The following MAP3K15 variants were observed in gnomAD, a reference collection of about 807,000 sequenced individuals.
MAP3K15 encodes MAPK/ERK kinase kinase 15.
Under a neutral mutation model 99.5 loss-of-function variants are expected in MAP3K15, and 124 were observed. The observed-to-expected ratio is 1.25, with a 90% confidence interval of 1.08 to 1.45. MAP3K15 has a LOEUF of 1.45. Ranked by LOEUF, MAP3K15 falls within the 40% of genes most tolerant of loss-of-function variation. The probability of loss-of-function intolerance (pLI) is 0.00; values close to 1 mark genes in which losing one functional copy is unlikely to be tolerated. For missense variants in MAP3K15, 1,242 were observed against 1,079.7 expected (o/e 1.15, Z -2.11); for synonymous variants, 494 against 439.6 (o/e 1.12, Z -1.55).
At chrX:19,409,787 C>A in intron 12 of MAP3K15, 137 bp downstream of exon 12, 1 of 495,150 alleles carries the variant, frequency 2.0e-6, no homozygotes, top group South Asian at 3.4e-5. Flanking sequence ...GGAAGGACAA[C>A]ATAATAGAGA....
chrX:19,371,074 A>G lies in MAP3K15; in HGVS notation c.3295-10T>C. 1 of 1,093,207 alleles carries G rather than the reference A, an allele frequency of 9.1e-7. No homozygotes were observed. The highest frequency in any genetic ancestry group is 1.9e-5 in the African/African-American group (1 of 51,646). 90.1% of individuals were successfully genotyped at this position (1,093,207 alleles called of 1,213,427 possible). ...TCAAAATTTTATTTACCTAAAAAAA[A>G]AAAAAATAATAAAATAAACTAAAAT... On this transcript the variant is annotated splice_polypyrimidine_tract_variant and intron_variant, in intron 23 of 28. Coordinates refer to ENST00000338883, the MANE Select transcript of MAP3K15 (RefSeq NM_001001671.4).
intron 1 of MAP3K15, among the ~76,000 whole-genome samples, chrX:19,499,295 G>A (rs750518157): frequency 8.9e-6 from 1 of 112,167 alleles, no homozygotes; most frequent in South Asian, 3.7e-4. Context: ...GTGACGATGT[G>A]AAGCCACTGA....
chrX:19,459,000 C>A (rs778932198), intron 5 of MAP3K15, among the ~76,000 whole-genome samples: 1 of 111,983 alleles, frequency 8.9e-6, no homozygotes, highest in Non-Finnish European at 1.9e-5. Flanking sequence ...GACCAAAAGA[C>A]CAGTCTCAGA....
intron 6 of MAP3K15, among the ~76,000 whole-genome samples, chrX:19,449,700 CT>C (rs2064024625): frequency 9.2e-6 from 1 of 109,251 alleles, no homozygotes; most frequent in African/African-American, 3.3e-5. Context: ...CAAACGATCG[CT>C]TTTTTCTGCA....
Position 19,360,581 on chromosome X carries a change from G to C in MAP3K15, c.*168C>G, listed in dbSNP as rs1488080651. 1.2e-5 allele frequency: 5 copies of C among 418,121 alleles called. No individual in the cohort carries two copies. The highest frequency in any genetic ancestry group is 1.2e-5 in the Non-Finnish European group (3 of 242,597). 34.5% of individuals were successfully genotyped at this position (418,121 alleles called of 1,213,427 possible). ...ACAGTTCTATGTTTATAAATAACAG[G>C]TTTCAAAAGAAACTCAGGACAGTAT... On this transcript the variant is annotated 3_prime_UTR_variant, in exon 29 of 29. Transcript: ENST00000338883.
At chrX:19,431,104 A>G (rs1049922476) in intron 7 of MAP3K15, among the ~76,000 whole-genome samples, 3 of 111,757 alleles carry the variant, frequency 2.7e-5, no homozygotes, top group Non-Finnish European at 5.6e-5. Flanking sequence ...AAATGAATGA[A>G]TAAGTGAATG....
chrX:19,470,240 T>C (rs753293860), intron 3 of MAP3K15, among the ~76,000 whole-genome samples: 1 of 111,553 alleles, frequency 9.0e-6, no homozygotes, highest in Non-Finnish European at 1.9e-5. Context: ...GATGAGTTCA[T>C]GTCCTTTGTA....
At chrX:19,490,863 C>T (rs1017677992) in intron 1 of MAP3K15, among the ~76,000 whole-genome samples, 6 of 111,213 alleles carry the variant, frequency 5.4e-5, no homozygotes, top group East Asian at 2.8e-4. Context: ...GTTTAAATTA[C>T]GCTTAGTAGT....
rs191798093 is a variant in MAP3K15 at position 19,489,240 on chromosome X, T to C, written c.362-273A>G. Among the ~76,000 whole-genome samples, 14 of 111,623 alleles carry C rather than the reference T, an allele frequency of 1.3e-4. No individual in the cohort carries two copies. The East Asian group carries it at 3.9e-3, about 31-fold the overall frequency. ...TTTTAATGTTATTTTTGTTATGACA[T>C]ATCACACATCTGAAGAATATATTTA... On this transcript the variant is annotated intron_variant, in intron 1 of 28. Coordinates refer to ENST00000338883, the MANE Select transcript of MAP3K15 (RefSeq NM_001001671.4).
At chrX:19,469,535 C>A (rs76242887) in intron 3 of MAP3K15, among the ~76,000 whole-genome samples, 1,568 of 110,198 alleles carry the variant, frequency 0.014, 39 homozygotes, top group African/African-American at 0.048. Context: ...GCAACAAAAG[C>A]CAAAATTGAC....
At chrX:19,505,531 C>T (rs1181351688) in intron 1 of MAP3K15, among the ~76,000 whole-genome samples, 2 of 111,090 alleles carry the variant, frequency 1.8e-5, no homozygotes, top group Non-Finnish European at 3.8e-5. Flanking sequence ...GTGCCACCAT[C>T]ATCGTCTATA....
In MAP3K15 at chrX:19,392,407, G is replaced by C. The variant is rs376022882; in HGVS notation, c.2261C>G (p.Thr754Ser). 44 of 1,208,436 alleles carry C rather than the reference G, an allele frequency of 3.6e-5. No homozygotes were observed. Among genetic ancestry groups the C allele is most frequent in the Admixed American group, 4.4e-5 (2 of 45,659 alleles). The change falls in exon 17 of 29, where the codon ACC becomes AGC. Residue 754 changes from threonine to serine, a missense_variant. Coordinates refer to ENST00000338883, the MANE Select transcript of MAP3K15 (RefSeq NM_001001671.4). ...CTTAAGGCCCTCCAGGATCTGTTTG[G>C]TGTAAAACTTGATTGTCGGTTCCTT... ...PMKEPTIKFYTKQILEGLKYL... is the reference protein window; with the variant it reads ...PMKEPTIKFYSKQILEGLKYL...
At chrX:19,391,050 T>C (rs1436999128) in intron 18 of MAP3K15, among the ~76,000 whole-genome samples, 2 of 111,825 alleles carry the variant, frequency 1.8e-5, no homozygotes, top group African/African-American at 3.2e-5. Flanking sequence ...TAGCTGGTAA[T>C]TGTATACCAC....
intron 1 of MAP3K15, among the ~76,000 whole-genome samples, chrX:19,512,554 A>T (rs988935660): frequency 4.4e-4 from 49 of 110,210 alleles, no homozygotes; most frequent in Non-Finnish European, 1.1e-4. Context: ...AGGTCACCGC[A>T]GCATCGACCT....
At chrX:19,436,122 C>T (rs763940236) in intron 6 of MAP3K15, among the ~76,000 whole-genome samples, 88 of 105,906 alleles carry the variant, frequency 8.3e-4, no homozygotes, top group Non-Finnish European at 1.5e-3. Context: ...CCATTGTCCT[C>T]CAGTCTGGGC....
intron 3 of MAP3K15, among the ~76,000 whole-genome samples, chrX:19,479,837 G>A (rs975042945): frequency 8.9e-6 from 1 of 112,201 alleles, no homozygotes; most frequent in Non-Finnish European, 1.9e-5. Flanking sequence ...ATAAAATAGT[G>A]TAAGAATTAA....
intron 3 of MAP3K15, among the ~76,000 whole-genome samples, chrX:19,467,637 G>A (rs1437878866): frequency 1.9e-5 from 2 of 106,796 alleles, no homozygotes; most frequent in African/African-American, 6.8e-5. Flanking sequence ...TGTGGTGGCA[G>A]GCGCCTGTAA....
At chrX:19,393,988 G>A (rs2063547537) in intron 16 of MAP3K15, among the ~76,000 whole-genome samples, 1 of 108,875 alleles carries the variant, frequency 9.2e-6, no homozygotes, top group South Asian at 4.0e-4. Context: ...TGGCCAGGCT[G>A]GTCTCGAATT....
At chrX:19,499,290 G>C (rs765896366) in intron 1 of MAP3K15, among the ~76,000 whole-genome samples, 1 of 112,250 alleles carries the variant, frequency 8.9e-6, no homozygotes, top group Non-Finnish European at 1.9e-5. Context: ...TGTTGGTGAC[G>C]ATGTGAAGCC....
Sources: gnomAD v4.1 joint callset for allele counts (sites outside exome capture counted in the v4.1 genomes callset) on GRCh38, gnomAD v4.1.1 for gene constraint, MANE v1.5 for transcripts, NCBI Gene and HGNC (gene_info 2026-07-23, HGNC 2026-07-21) for gene names.